STAG3: variants seen among roughly 807,000 people sequenced by gnomAD.
The protein encoded by STAG3 is cohesin subunit SA-3.
A neutral mutation model predicts 160.7 loss-of-function variants in STAG3; 101 were observed. The observed-to-expected ratio is 0.63, with a 90% CI of 0.54 to 0.74. STAG3 has a LOEUF of 0.74. STAG3 is among the 30% of genes least tolerant of loss of function. The pLI is 0.00. For synonymous variants in STAG3, 519 were observed against 585.0 expected (o/e 0.89, Z 1.63); for missense variants, 1,188 against 1,517.4 (o/e 0.78, Z 3.61).
At chr7:100,200,141 C>A in intron 16 of STAG3, 95 bp from the exon 17 acceptor site, 1 of 828,778 alleles carries the variant, frequency 1.2e-6, no homozygotes, top group Non-Finnish European at 1.9e-6. Context: ...TCTTTTCCTT[C>A]TAGGCAGATA....
In STAG3 at chr7:100,182,795, A is replaced by G. The variant is rs1487446490; in HGVS notation, c.292A>G (p.Asn98Asp). The G allele has an allele frequency of 3.1e-6, 5 of 1,613,852 alleles. No individual in the cohort carries two copies. The highest frequency in any genetic ancestry group is 1.1e-5 in the South Asian group (1 of 91,068). Reference sequence around the variant, plus strand: ...CCGGAAACAGTCAGAGCCACCAGCCAATGATCTTTTCAATGCTGTGAAAGC... The same window carrying G: ...CCGGAAACAGTCAGAGCCACCAGCCGATGATCTTTTCAATGCTGTGAAAGC... ...HSRKQSEPPANDLFNAVKAAK... is the reference protein window; with the variant it reads ...HSRKQSEPPADDLFNAVKAAK... Residue 98 changes from asparagine to aspartate, a missense_variant, in exon 4 of 34, where the codon AAT becomes GAT. This residue lies in a region of STAG3 where 296 missense variants were observed against 404.0 expected (regional missense o/e 0.73). Coordinates refer to ENST00000615138, the MANE Select transcript of STAG3 (RefSeq NM_001282717.2).
intron 32 of STAG3, chr7:100,212,876 C>T (rs771033587): frequency 2.6e-5 from 4 of 152,054 alleles, no homozygotes; most frequent in Non-Finnish European, 4.4e-5. Flanking sequence ...ATAGTAAACA[C>T]GTGTCTCTTA....
intron 15 of STAG3, 50 bp from the exon 16 acceptor site, chr7:100,199,491 G>C: frequency 6.4e-7 from 1 of 1,569,840 alleles, no homozygotes; most frequent in Non-Finnish European, 8.7e-7. Flanking sequence ...CTTGGAGTTG[G>C]AAGGTGGCTA....
chr7:100,212,197 T>C lies in STAG3; in HGVS notation c.3600+321T>C, dbSNP rs192301623. The C allele has an allele frequency of 4.5e-5, 11 of 241,806 alleles. No homozygotes were observed. The East Asian group carries it at 1.2e-3, about 26-fold the overall frequency. 15.0% of individuals were successfully genotyped at this position (241,806 alleles called of 1,614,324 possible). ...ATGCTGGAGGTGGGAGGTCATTCAG[T>C]CCAAGTGGCAGCCCCTTCAGTGTCT... On this transcript the variant is annotated intron_variant, in intron 32 of 33. Coordinates refer to ENST00000615138, the MANE Select transcript of STAG3 (RefSeq NM_001282717.2).
intron 32 of STAG3, chr7:100,212,728 G>A (rs1332581943): frequency 6.6e-6 from 1 of 152,146 alleles, no homozygotes; most frequent in Admixed American, 6.6e-5. Context: ...CCTAAGTGCT[G>A]GGATTACAGG....
In STAG3 at chr7:100,200,602, G is replaced by A. The variant is rs995234846; in HGVS notation, c.1860+60G>A. On this transcript the variant is annotated intron_variant, in intron 18 of 33. Transcript: ENST00000615138. ...CCTGCCAGGGCCAAAGGGTTCTATTGCCAGTATCTTTTTTTCCTAAGAACT... is the reference window on the plus strand; with the variant it reads ...CCTGCCAGGGCCAAAGGGTTCTATTACCAGTATCTTTTTTTCCTAAGAACT... 1.9e-6 allele frequency: 3 copies of A among 1,579,294 alleles called. No individual in the cohort carries two copies. In the African/African-American group the frequency reaches 4.1e-5, roughly 21 times the overall value.
rs911935896 is a variant in STAG3, at chr7:100,211,010, G to A, written c.3239-1G>A. 1.9e-6 allele frequency: 3 copies of A among 1,612,388 alleles called. No individual in the cohort carries two copies. The Admixed American group carries it at 5.0e-5, about 27-fold the overall frequency. ...GGTTAATGTATGCATCTGCTTGGCA[G>A]GGCCTGCCAAGCCTAACAGAGAGGA... is the stretch of plus-strand genomic sequence containing the variant. On this transcript the variant is annotated splice_acceptor_variant, in intron 29 of 33. Coordinates refer to ENST00000615138, the MANE Select transcript of STAG3 (RefSeq NM_001282717.2). LOFTEE classifies it high-confidence loss of function.
At chr7:100,195,188 G>A (rs1800604038) in intron 8 of STAG3, 121 bp from the exon 9 acceptor site, 1 of 825,080 alleles carries the variant, frequency 1.2e-6, no homozygotes, top group Non-Finnish European at 2.1e-6. Context: ...TAGGATTACG[G>A]GGGTTCACAC....
chr7:100,187,331 GGTTT>G (rs1205818524), intron 5 of STAG3, among the ~76,000 whole-genome samples: 59 of 151,072 alleles, frequency 3.9e-4, no homozygotes, highest in African/African-American at 1.4e-3. Flanking sequence ...CCTGTTTTTT[GGTTT>G]GTTTTTTTTT....
intron 29 of STAG3, among the ~76,000 whole-genome samples, chr7:100,210,077 G>A (rs1197430287): frequency 6.6e-6 from 1 of 152,202 alleles, no homozygotes; most frequent in East Asian, 1.9e-4. Flanking sequence ...GGAAGCCAGT[G>A]AAGATGGAGA....
At chr7:100,200,695 C>T (rs1174316353) in intron 18 of STAG3, 74 bp from the exon 19 acceptor site, 1 of 1,571,216 alleles carries the variant, frequency 6.4e-7, no homozygotes, top group Non-Finnish European at 8.7e-7. Context: ...GCTTTTAACC[C>T]CGTTCCACTT....
intron 30 of STAG3, 99 bp downstream of exon 30, chr7:100,211,284 TC>T: frequency 1.3e-6 from 2 of 1,486,622 alleles, no homozygotes; most frequent in Non-Finnish European, 1.8e-6. Flanking sequence ...GCTGTAGCAC[TC>T]CCACATTGTT....
chr7:100,214,424 G>T (rs1399733546), downstream of STAG3: 1 of 239,590 alleles, frequency 4.2e-6, no homozygotes, highest in African/African-American at 2.3e-5. Context: ...ACTGATGGAG[G>T]TCAGGTTCTT....
In STAG3 at chr7:100,204,726, T is replaced by A; in HGVS notation, c.2902T>A (p.Phe968Ile). ...RDLARRFALSFGPQQLQNRDL... is the reference protein window; with the variant it reads ...RDLARRFALSIGPQQLQNRDL... Reference sequence around the variant, plus strand: ...CCTGGCCCGGAGGTTTGCCTTGAGTTTTGGACCCCAGCAGCTGCAGAACCG... The same window carrying A: ...CCTGGCCCGGAGGTTTGCCTTGAGTATTGGACCCCAGCAGCTGCAGAACCG... Residue 968 changes from phenylalanine (F) to isoleucine (I), a missense_variant, in exon 27 of 34, where the codon TTT (phenylalanine) becomes ATT (isoleucine). Physicochemically the swap from Phe to Ile is conservative, Grantham distance 21. Transcript: ENST00000615138. 6.2e-7 allele frequency: 1 copy of A among 1,613,954 alleles called. No individual in the cohort carries two copies. The highest frequency in any genetic ancestry group is 2.2e-5 in the East Asian group (1 of 44,866).
chr7:100,199,763 C>T (rs1250807896), intron 16 of STAG3, 119 bp downstream of exon 16: 4 of 830,700 alleles, frequency 4.8e-6, no homozygotes, highest in African/African-American at 3.5e-5. Context: ...AATTTCATTT[C>T]CAGAAAAAAG....
chr7:100,178,618 G>C, intron 1 of STAG3, among the ~76,000 whole-genome samples: 1 of 149,462 alleles, frequency 6.7e-6, no homozygotes, highest in African/African-American at 2.5e-5. Flanking sequence ...TAGAGACAGG[G>C]CGTTGCTATG....
At chr7:100,209,478 C>G (rs1801972548) in intron 29 of STAG3, among the ~76,000 whole-genome samples, 1 of 152,154 alleles carries the variant, frequency 6.6e-6, no homozygotes, top group African/African-American at 2.4e-5. Flanking sequence ...GATCCCAGAG[C>G]ATCTAAGGCA....
At chr7:100,189,046 T>C in intron 7 of STAG3, 30 bp downstream of exon 7, 1 of 1,610,864 alleles carries the variant, frequency 6.2e-7, no homozygotes. Flanking sequence ...CTGGACATTC[T>C]CCTGGGGATT....
chr7:100,191,634 A>C (rs1334193837), intron 8 of STAG3, among the ~76,000 whole-genome samples: 1 of 152,194 alleles, frequency 6.6e-6, no homozygotes, highest in East Asian at 1.9e-4. Context: ...TAGCGAGTTA[A>C]ATCTTTTTGT....
Sources: allele counts gnomAD v4.1 joint callset (sites outside exome capture counted in the v4.1 genomes callset), GRCh38; gene constraint gnomAD v4.1.1; regional missense constraint gnomAD v4.1.1; transcripts MANE v1.5; gene names NCBI Gene and HGNC (gene_info 2026-07-23, HGNC 2026-07-21).